DOCK3: variants seen among roughly 807,000 people sequenced by gnomAD.
DOCK3 encodes the protein dedicator of cytokinesis protein 3.
DOCK3 carries 60 observed loss-of-function variants against 265.6 expected under a neutral mutation model. The ratio of observed to expected loss-of-function variants is 0.23; its 90% CI spans 0.18 to 0.28. The LOEUF is 0.28. Among genes scored for constraint, DOCK3 ranks in the 10% least tolerant of loss-of-function variants. The pLI is 1.00. For missense variants in DOCK3, 1,981 were observed against 2,594.3 expected (o/e 0.76, Z 5.14); for synonymous variants, 881 against 938.0 (o/e 0.94, Z 1.11).
At chr3:51,338,853 A>G (rs1267043793) in intron 36 of DOCK3, 82 bp from the exon 37 acceptor site, 2 of 1,215,170 alleles carry the variant, frequency 1.6e-6, no homozygotes, top group Non-Finnish European at 2.4e-6. Flanking sequence ...TGCCCAGCAC[A>G]CCCACGGCTA....
At chr3:51,105,761 AGAGGGAAGACATTGCAAGCAAATG>A (rs1268272812) in intron 9 of DOCK3, among the ~76,000 whole-genome samples, 1 of 152,170 alleles carries the variant, frequency 6.6e-6, no homozygotes, top group Non-Finnish European at 1.5e-5. Flanking sequence ...GCACATCTTC[AGAGGGAAGACATTGCAAGCAAATG>A]GAGGGAAGAC....
At chr3:50,943,313 A>G (rs1175845121) in intron 5 of DOCK3, among the ~76,000 whole-genome samples, 1 of 152,122 alleles carries the variant, frequency 6.6e-6, no homozygotes, top group African/African-American at 2.4e-5. Context: ...CACTGTTTGC[A>G]GTAGCAAAAA....
At chr3:50,918,428 A>C (rs116248205) in intron 4 of DOCK3, among the ~76,000 whole-genome samples, 14,341 of 152,018 alleles carry the variant, frequency 0.094, 832 homozygotes, top group Non-Finnish European at 0.12. Context: ...CCTGTTGTTA[A>C]CTGACTTTTT....
intron 49 of DOCK3, among the ~76,000 whole-genome samples, chr3:51,369,416 A>G (rs1393872076): frequency 6.6e-6 from 1 of 152,266 alleles, no homozygotes; most frequent in Non-Finnish European, 1.5e-5. Flanking sequence ...TCAGTAGCCG[A>G]TTCGATCAAC....
chr3:51,330,189 G>A lies in DOCK3; in HGVS notation c.3454G>A (p.Gly1152Ser). 1 of 1,605,334 alleles carries A rather than the reference G, an allele frequency of 6.2e-7. No homozygotes were observed. Among genetic ancestry groups the A allele is most frequent in the Non-Finnish European group, 8.5e-7 (1 of 1,176,080 alleles). ...GGACAGCATGGTGTCAGAAGGGAAA[G>A]GTGACGAGAGCTACAGGGAGCTCTT... ...KLDSMVSEGK[G>S]DESYRELFSL... The change falls in exon 33 of 53, where the codon GGT becomes AGT. Residue 1152 changes from glycine to serine, a missense_variant. Physicochemically the swap from Gly to Ser is moderately conservative, Grantham distance 56. Coordinates refer to ENST00000266037, the MANE Select transcript of DOCK3 (RefSeq NM_004947.5).
intron 9 of DOCK3, among the ~76,000 whole-genome samples, chr3:51,091,180 G>T (rs542494405): frequency 6.6e-6 from 1 of 152,300 alleles, no homozygotes; most frequent in African/African-American, 2.4e-5. Context: ...GAAGGTAGTA[G>T]TGGTATTGAT....
intron 5 of DOCK3, among the ~76,000 whole-genome samples, chr3:50,952,672 T>C (rs1041951680): frequency 2.0e-5 from 3 of 152,138 alleles, no homozygotes; most frequent in Admixed American, 6.5e-5. Context: ...GAGGCCATAA[T>C]TATAAGGCAC....
At chr3:50,788,013 C>A in intron 2 of DOCK3, 1 of 754,380 alleles carries the variant, frequency 1.3e-6, no homozygotes. Flanking sequence ...TCCTTAATAG[C>A]ATGCACATCA....
At chr3:50,858,193 C>T (rs1346438477) in intron 3 of DOCK3, among the ~76,000 whole-genome samples, 1 of 152,044 alleles carries the variant, frequency 6.6e-6, no homozygotes, top group African/African-American at 2.4e-5. Flanking sequence ...AAACCAAACA[C>T]CACATGTTCT....
chr3:50,918,108 T>C (rs1489173319), intron 4 of DOCK3, among the ~76,000 whole-genome samples: 1 of 152,102 alleles, frequency 6.6e-6, no homozygotes, highest in East Asian at 1.9e-4. Context: ...TTTATGGCTG[T>C]GTAGTATTCC....
intron 12 of DOCK3, among the ~76,000 whole-genome samples, chr3:51,178,103 CTA>C (rs1240724134): frequency 6.8e-6 from 1 of 147,040 alleles, no homozygotes; most frequent in Non-Finnish European, 1.5e-5. Context: ...TTCACAAAGA[CTA>C]AAAGTAAACA....
intron 50 of DOCK3, among the ~76,000 whole-genome samples, chr3:51,375,019 A>G (rs1029820447): frequency 6.6e-5 from 10 of 152,092 alleles, no homozygotes; most frequent in African/African-American, 2.4e-4. Flanking sequence ...CATCCATCCA[A>G]CTGAAGTCCC....
At chr3:50,747,162 T>A (rs995685984) in intron 1 of DOCK3, among the ~76,000 whole-genome samples, 2 of 152,364 alleles carry the variant, frequency 1.3e-5, no homozygotes, top group Middle Eastern at 3.4e-3. Flanking sequence ...CACTGATCTA[T>A]TAGTCTGTAT....
intron 5 of DOCK3, among the ~76,000 whole-genome samples, chr3:51,047,094 A>G (rs1272959425): frequency 6.6e-6 from 1 of 152,192 alleles, no homozygotes; most frequent in East Asian, 1.9e-4. Context: ...AAAGATCTTA[A>G]ATAAACAGTC....
chr3:51,375,176 C>G (rs1280884602), intron 50 of DOCK3, among the ~76,000 whole-genome samples: 1 of 152,202 alleles, frequency 6.6e-6, no homozygotes, highest in Non-Finnish European at 1.5e-5. Context: ...TAAAAGTCAC[C>G]TCTCAGTGAC....
Position 51,288,885 on chromosome 3 carries a change from G to GGT in DOCK3, c.2922+8697_2922+8698dup, listed in dbSNP as rs776856235. The stretch of plus-strand genomic sequence containing the variant: ...AGCCTAGGAGAGGGGTGTTTGTGTG[G>GGT]GTGTGTGTGTGTGTGTGGGTGTGTG... On this transcript the variant is annotated intron_variant, in intron 27 of 52. Coordinates refer to ENST00000266037, the MANE Select transcript of DOCK3 (RefSeq NM_004947.5). Among the ~76,000 whole-genome samples, 942 of 147,048 alleles carry GGT rather than the reference G, an allele frequency of 6.4e-3. 4 individuals carry two copies. The highest frequency in any genetic ancestry group is 0.014 in the Middle Eastern group (4 of 288).
intron 5 of DOCK3, among the ~76,000 whole-genome samples, chr3:50,978,800 C>T (rs989966014): frequency 6.6e-5 from 10 of 152,208 alleles, no homozygotes; most frequent in Non-Finnish European, 1.3e-4. Flanking sequence ...CAGTGAGTCT[C>T]CGTGGGCGTA....
chr3:50,796,465 A>G (rs1420513400), intron 2 of DOCK3, among the ~76,000 whole-genome samples: 3 of 151,774 alleles, frequency 2.0e-5, no homozygotes, highest in Non-Finnish European at 4.4e-5. Context: ...CAGCCTCCCT[A>G]GTAGCTGGGA....
intron 1 of DOCK3, among the ~76,000 whole-genome samples, chr3:50,757,217 CTGGAGTGCAATGGTGTG>C (rs2040216047): frequency 8.5e-6 from 1 of 117,468 alleles, no homozygotes; most frequent in Non-Finnish European, 1.6e-5. Context: ...CTCACCCAGG[CTGGAGTGCAATGGTGTG>C]ATCTCGGCTC....
Sources: allele counts gnomAD v4.1 joint callset (sites outside exome capture counted in the v4.1 genomes callset), GRCh38; gene constraint gnomAD v4.1.1; transcripts MANE v1.5; gene names NCBI Gene and HGNC (gene_info 2026-07-23, HGNC 2026-07-21).